Variants in CLSTN2 observed in about 807,000 individuals in gnomAD.
The protein encoded by CLSTN2 is calsyntenin 2.
A neutral mutation model predicts 101.2 loss-of-function variants in CLSTN2; 48 were observed. That is an observed-to-expected ratio of 0.47 (90% CI 0.38 to 0.60). The LOEUF is 0.60. CLSTN2 is among the 20% of genes least tolerant of loss of function. CLSTN2 has a pLI of 0.00. For synonymous variants in CLSTN2, 481 were observed against 463.6 expected, an observed-to-expected ratio of 1.04 and a Z score of -0.48; for missense variants, 1,160 against 1,238.2, an observed-to-expected ratio of 0.94 and a Z score of 0.95.
chr3:140,517,313 C>T (rs1163132021), intron 8 of CLSTN2, among the ~76,000 whole-genome samples: 1 of 152,102 alleles, frequency 6.6e-6, no homozygotes, highest in East Asian at 1.9e-4. Flanking sequence ...ATTATTTTTT[C>T]TGGTAATTCA....
At chr3:139,998,994 G>GT (rs1553789170) in intron 1 of CLSTN2, among the ~76,000 whole-genome samples, 1,583 of 150,654 alleles carry the variant, frequency 0.011, 34 homozygotes, top group African/African-American at 0.036. Context: ...CGGACCTTGT[G>GT]TTTTTTTTTT....
chr3:140,461,212 T>C (rs921331616), intron 7 of CLSTN2: 2 of 152,192 alleles, frequency 1.3e-5, no homozygotes, highest in Non-Finnish European at 2.9e-5. Flanking sequence ...TGGCTTTCCC[T>C]ATTTATATAG....
intron 2 of CLSTN2, among the ~76,000 whole-genome samples, chr3:140,252,961 C>A (rs2086576549): frequency 6.6e-6 from 1 of 152,130 alleles, no homozygotes; most frequent in African/African-American, 2.4e-5. Flanking sequence ...AGGCCAACAG[C>A]TAAGTTAATG....
intron 1 of CLSTN2, among the ~76,000 whole-genome samples, chr3:140,163,934 G>A (rs2010091429): frequency 6.6e-6 from 1 of 151,950 alleles, no homozygotes; most frequent in African/African-American, 2.4e-5. Context: ...ACATTTATTA[G>A]CATGAATTCC....
chr3:140,407,070 C>T (rs994541845), intron 4 of CLSTN2, among the ~76,000 whole-genome samples: 8 of 152,158 alleles, frequency 5.3e-5, no homozygotes, highest in South Asian at 4.2e-4. Context: ...GGAGTGTGGG[C>T]CCCTGACAGC....
intron 2 of CLSTN2, among the ~76,000 whole-genome samples, chr3:140,261,028 T>C (rs1298831898): frequency 6.6e-6 from 1 of 152,198 alleles, no homozygotes; most frequent in East Asian, 1.9e-4. Context: ...CTACCATTGC[T>C]GTTAAACTAG....
At chr3:140,020,066 C>G (rs1318995890) in intron 1 of CLSTN2, among the ~76,000 whole-genome samples, 2 of 152,152 alleles carry the variant, frequency 1.3e-5, no homozygotes, top group Non-Finnish European at 2.9e-5. Flanking sequence ...GGTTGAAACC[C>G]TGGGGAGTAT....
At chr3:140,266,605 G>A (rs1330469444) in intron 2 of CLSTN2, among the ~76,000 whole-genome samples, 3 of 151,890 alleles carry the variant, frequency 2.0e-5, no homozygotes, top group Admixed American at 6.5e-5. Context: ...TTGTTCTGCC[G>A]CGAGTTGAAG....
chr3:140,448,152 G>T (rs1357471909), intron 5 of CLSTN2, among the ~76,000 whole-genome samples: 2 of 152,124 alleles, frequency 1.3e-5, no homozygotes, highest in Non-Finnish European at 2.9e-5. Context: ...AGGCGTGGAC[G>T]GGTGTGGCTC....
intron 2 of CLSTN2, among the ~76,000 whole-genome samples, chr3:140,398,616 G>A (rs1482820537): frequency 6.6e-6 from 1 of 152,174 alleles, no homozygotes; most frequent in African/African-American, 2.4e-5. Flanking sequence ...TAAGTGATAA[G>A]CTGCATGAAA....
intron 2 of CLSTN2, among the ~76,000 whole-genome samples, chr3:140,313,291 T>C (rs768191237): frequency 2.0e-5 from 3 of 152,182 alleles, no homozygotes; most frequent in Non-Finnish European, 4.4e-5. Context: ...TATTAGTTCC[T>C]TTTACAGAAA....
intron 1 of CLSTN2, among the ~76,000 whole-genome samples, chr3:140,143,984 G>C (rs571154948): frequency 1.1e-4 from 17 of 152,316 alleles, no homozygotes; most frequent in African/African-American, 3.6e-4. Context: ...AGTTGAATGT[G>C]CTCCCCAGTG....
chr3:140,490,149 CACACACACACACAT>C (rs1934325791), intron 8 of CLSTN2, among the ~76,000 whole-genome samples: 1 of 124,648 alleles, frequency 8.0e-6, no homozygotes, highest in Non-Finnish European at 1.7e-5. Context: ...CACACACACA[CACACACACACACAT>C]ATATACAGCC....
At chr3:140,342,912 G>A (rs1244082306) in intron 2 of CLSTN2, among the ~76,000 whole-genome samples, 1 of 152,144 alleles carries the variant, frequency 6.6e-6, no homozygotes, top group Non-Finnish European at 1.5e-5. Flanking sequence ...GGGCCCCAAA[G>A]GCTAGTATCA....
chr3:140,290,187 G>C (rs1241290182), intron 2 of CLSTN2, among the ~76,000 whole-genome samples: 1 of 152,070 alleles, frequency 6.6e-6, no homozygotes, highest in Non-Finnish European at 1.5e-5. Flanking sequence ...TCGATGAAGT[G>C]TTTGAGCCTG....
Position 140,485,432 on chromosome 3 carries a change from G to A in CLSTN2, c.1344+18701G>A, listed in dbSNP as rs6802926. On this transcript the variant is annotated intron_variant, in intron 8 of 16. Transcript: ENST00000458420. The stretch of plus-strand genomic sequence containing the variant: ...ACCCACTTGAGGAGGCAGTCTGTCT[G>A]TTCTCAGATCTCAAGCTGTGTGCTG... 6.2e-3 allele frequency among the ~76,000 whole-genome samples: 944 copies of A among 152,318 alleles called. 9 individuals carry two copies. The highest frequency in any genetic ancestry group is 0.021 in the African/African-American group (888 of 41,570).
At chr3:139,976,076 G>A (rs1935812309) in intron 1 of CLSTN2, among the ~76,000 whole-genome samples, 1 of 152,214 alleles carries the variant, frequency 6.6e-6, no homozygotes, top group Non-Finnish European at 1.5e-5. Context: ...GGCAGATCGT[G>A]GTTGTATGCA....
intron 2 of CLSTN2, among the ~76,000 whole-genome samples, chr3:140,385,356 T>TA: frequency 8.3e-6 from 1 of 120,302 alleles, no homozygotes; most frequent in Admixed American, 1.0e-4. Context: ...TCCCTGATGT[T>TA]CTTTTTTTTT....
intron 2 of CLSTN2, among the ~76,000 whole-genome samples, chr3:140,205,601 T>A (rs2010770694): frequency 6.7e-6 from 1 of 148,810 alleles, no homozygotes; most frequent in African/African-American, 2.5e-5. Flanking sequence ...GGTACAGTTG[T>A]TGTTTGGACC....
Sources: gnomAD v4.1 joint callset for allele counts (sites outside exome capture counted in the v4.1 genomes callset) on GRCh38, gnomAD v4.1.1 for gene constraint, MANE v1.5 for transcripts, NCBI Gene and HGNC (gene_info 2026-07-23, HGNC 2026-07-21) for gene names.